Variants in MICAL2 observed in about 807,000 individuals in gnomAD.
MICAL2 encodes microtubule associated monooxygenase, calponin and LIM domain containing 2, also known as [F-actin]-monooxygenase MICAL2.
Under a neutral mutation model 127.3 loss-of-function variants are expected in MICAL2, and 77 were observed. The observed-to-expected ratio is 0.60, with a 90% CI of 0.50 to 0.73. MICAL2 has a LOEUF of 0.73. Ranked by LOEUF, MICAL2 falls within the 30% of genes least tolerant of loss-of-function variation. The pLI is 0.00. For synonymous variants in MICAL2, 570 were observed against 551.1 expected (o/e 1.03, Z -0.48); for missense variants, 1,351 against 1,434.4 (o/e 0.94, Z 0.94).
At chr11:12,236,811 C>A (rs1859131498) in intron 16 of MICAL2, among the ~76,000 whole-genome samples, 1 of 151,318 alleles carries the variant, frequency 6.6e-6, no homozygotes, top group African/African-American at 2.4e-5. Context: ...TTCTTGCTTC[C>A]CTGGGCAGCT....
chr11:12,197,296 G>A (rs1330620742), intron 3 of MICAL2, among the ~76,000 whole-genome samples: 1 of 152,210 alleles, frequency 6.6e-6, no homozygotes, highest in Non-Finnish European at 1.5e-5. Flanking sequence ...ACCTTCCTGA[G>A]CTCCAGTTTT....
In MICAL2 at chr11:12,242,345, C is replaced by A. The variant is rs201474826; in HGVS notation, c.2469C>A (p.Phe823Leu). 1.2e-6 allele frequency: 2 copies of A among 1,614,122 alleles called. No individual in the cohort carries two copies. Among genetic ancestry groups the A allele is most frequent in the Admixed American group, 1.7e-5 (1 of 60,016 alleles). Residue 823 changes from phenylalanine (F) to leucine (L), a missense_variant, in exon 19 of 28, where the codon TTC (phenylalanine) becomes TTA (leucine). By Grantham distance (22) the Phe-to-Leu change is conservative. This residue lies in a region of MICAL2 where 752 missense variants were observed against 719.4 expected (regional missense o/e 1.05). Transcript: ENST00000683283. ...TACAGCTGGGTGGGACAGAAAATTT[C>A]GCTACCCTGCCTTCTACCCGCCCGA... is the stretch of plus-strand genomic sequence containing the variant. ...SDLQLGGTEN[F>L]ATLPSTRPRA...
chr11:12,173,695 C>A (rs1856530388), intron 3 of MICAL2, among the ~76,000 whole-genome samples: 2 of 152,180 alleles, frequency 1.3e-5, no homozygotes. Context: ...TGCAAAAACT[C>A]CCTGTTCCCT....
At chr11:12,336,689 T>G (rs1473187939) in intron 32 of MICAL2, among the ~76,000 whole-genome samples, 4 of 152,106 alleles carry the variant, frequency 2.6e-5, no homozygotes, top group African/African-American at 9.7e-5. Context: ...TCAAAGGCCT[T>G]TTCTGCATCT....
At chr11:12,328,232 G>T (rs1009628223) in intron 32 of MICAL2, among the ~76,000 whole-genome samples, 1 of 152,166 alleles carries the variant, frequency 6.6e-6, no homozygotes, top group Non-Finnish European at 1.5e-5. Context: ...TCTACCTTGA[G>T]AAGTTTATAG....
chr11:12,197,595 C>G (rs894212851), intron 3 of MICAL2: 1 of 152,224 alleles, frequency 6.6e-6, no homozygotes, highest in African/African-American at 2.4e-5. Flanking sequence ...ACAGGGGTGG[C>G]CCTCACACCC....
chr11:12,313,131 G>A (rs1864193527), intron 29 of MICAL2, among the ~76,000 whole-genome samples: 1 of 117,084 alleles, frequency 8.5e-6, no homozygotes, highest in East Asian at 2.8e-4. Context: ...TAGCACCACT[G>A]CACTCCAGCC....
At chr11:12,351,291 G>A (rs1015399138) in intron 33 of MICAL2, among the ~76,000 whole-genome samples, 9 of 152,106 alleles carry the variant, frequency 5.9e-5, no homozygotes, top group African/African-American at 1.4e-4. Context: ...GCTCCTTAGG[G>A]GCAAGGCTGT....
chr11:12,145,392 A>G (rs1852788880), intron 2 of MICAL2, among the ~76,000 whole-genome samples: 1 of 152,192 alleles, frequency 6.6e-6, no homozygotes, highest in Admixed American at 6.5e-5. Flanking sequence ...TCACCTCAAG[A>G]TGACGAGTCC....
intron 32 of MICAL2, among the ~76,000 whole-genome samples, chr11:12,334,518 G>A (rs1197046554): frequency 2.0e-5 from 3 of 151,416 alleles, no homozygotes; most frequent in African/African-American, 7.3e-5. Flanking sequence ...AGTTACATAT[G>A]TATACATGTG....
intron 3 of MICAL2, among the ~76,000 whole-genome samples, chr11:12,182,964 G>A (rs558778482): frequency 2.0e-5 from 3 of 152,226 alleles, no homozygotes; most frequent in South Asian, 4.1e-4. Flanking sequence ...CATTGTCCTC[G>A]GTGGCCCCGC....
At chr11:12,270,387 C>T (rs954293755) in intron 24 of MICAL2, among the ~76,000 whole-genome samples, 5 of 152,180 alleles carry the variant, frequency 3.3e-5, no homozygotes, top group Non-Finnish European at 5.9e-5. Context: ...CTGCTGGACG[C>T]GCTGGTGTGG....
chr11:12,214,596 C>T (rs1487774164), intron 7 of MICAL2, among the ~76,000 whole-genome samples: 2 of 152,162 alleles, frequency 1.3e-5, no homozygotes, highest in African/African-American at 4.8e-5. Flanking sequence ...TTCTATACTG[C>T]CTTCGAGCTA....
chr11:12,280,267 C>T (rs1230545006), intron 1 of MICAL2, among the ~76,000 whole-genome samples: 1 of 152,054 alleles, frequency 6.6e-6, no homozygotes, highest in Non-Finnish European at 1.5e-5. Flanking sequence ...GCTTATCTGA[C>T]CAGAGAGACC....
At chr11:12,266,555 AT>A (rs1863611456), downstream of MICAL2, among the ~76,000 whole-genome samples, 1 of 152,222 alleles carries the variant, frequency 6.6e-6, no homozygotes. Flanking sequence ...CAAGAATTTT[AT>A]GTGCAGAACT....
rs114976633 is a variant in MICAL2 at position 12,194,404 on chromosome 11, G to A, written c.265-9846G>A. 4.2e-3 allele frequency among the ~76,000 whole-genome samples: 637 copies of A among 152,222 alleles called. 4 individuals carry two copies. The highest frequency in any genetic ancestry group is 0.015 in the African/African-American group (618 of 41,538). ...GTGTTAGCTATTATTATTGCAGTGC[G>A]GGGACCCCTACATGACTGAACTGAT... is the stretch of plus-strand genomic sequence containing the variant. On this transcript the variant is annotated intron_variant, in intron 3 of 27. Transcript: ENST00000683283.
chr11:12,129,921 A>T (rs957573656), intron 1 of MICAL2, among the ~76,000 whole-genome samples: 4 of 152,066 alleles, frequency 2.6e-5, no homozygotes, highest in African/African-American at 9.7e-5. Context: ...TGTGTTGCCC[A>T]GGCTGGTCTC....
At chr11:12,181,670 C>T (rs1292775934) in intron 3 of MICAL2, among the ~76,000 whole-genome samples, 1 of 152,192 alleles carries the variant, frequency 6.6e-6, no homozygotes, top group African/African-American at 2.4e-5. Context: ...GGCAGCATCA[C>T]CCACTTTAAA....
chr11:12,162,324 G>A lies in MICAL2; in HGVS notation c.169G>A (p.Val57Met), dbSNP rs1465429202. 2 of 1,614,228 alleles carry A rather than the reference G, an allele frequency of 1.2e-6. No individual in the cohort carries two copies. The highest frequency in any genetic ancestry group is 2.2e-5 in the East Asian group (1 of 44,884). Reference sequence around the variant, plus strand: ...CTTTTATTCCAAGCTCAAGTCCAAGGTGACCACCTGGAAAGCCAAAGCCCT... The same window carrying A: ...CTTTTATTCCAAGCTCAAGTCCAAGATGACCACCTGGAAAGCCAAAGCCCT... Reference protein sequence around the residue: ...RNFYSKLKSKVTTWKAKALWY... With the variant: ...RNFYSKLKSKMTTWKAKALWY... Residue 57 changes from valine to methionine, a missense_variant, in exon 3 of 28, where the codon GTG (valine) becomes ATG (methionine). Transcript: ENST00000683283.
Sources: gnomAD v4.1 joint callset for allele counts (sites outside exome capture counted in the v4.1 genomes callset) on GRCh38, gnomAD v4.1.1 for gene constraint, gnomAD v4.1.1 regional missense constraint, MANE v1.5 for transcripts, NCBI Gene and HGNC (gene_info 2026-07-23, HGNC 2026-07-21) for gene names.